The following ZNF433 variants were observed in gnomAD, a reference collection of about 807,000 sequenced individuals.
ZNF433 encodes zinc finger protein 433.
Under a neutral mutation model 10.6 loss-of-function variants are expected in ZNF433, and 12 were observed. The observed-to-expected ratio is 1.13, with a 90% confidence interval of 0.72 to 1.83. The LOEUF is 1.83. ZNF433 is among the 40% of genes most tolerant of loss of function. The pLI is 0.00. For synonymous variants in ZNF433, 272 were observed against 271.3 expected (o/e 1.00, Z -0.02); for missense variants, 737 against 798.0 (o/e 0.92, Z 0.92).
chr19:12,026,430 G>A (rs1599368396), intron 1 of ZNF433: 2 of 307,604 alleles, frequency 6.5e-6, no homozygotes, highest in Non-Finnish European at 6.3e-6. Context: ...GTCACAATGA[G>A]TAATTTAATG....
chr19:12,023,505 A>C (rs1974595173), intron 1 of ZNF433: 2 of 152,208 alleles, frequency 1.3e-5, no homozygotes, highest in South Asian at 4.1e-4. Flanking sequence ...CAAATAAACA[A>C]GGCAAAGCAG....
At chr19:12,018,112 A>G (rs1974303928) in intron 2 of ZNF433, 54 bp downstream of exon 2, 3 of 1,525,504 alleles carry the variant, frequency 2.0e-6, no homozygotes, top group African/African-American at 1.4e-5. Flanking sequence ...TTCTCAGAAA[A>G]AAAAAAAAAC....
At chr19:12,035,466 C>T in intron 1 of ZNF433, 71 bp downstream of exon 1, 1 of 1,548,652 alleles carries the variant, frequency 6.5e-7, no homozygotes, top group Non-Finnish European at 8.7e-7. Context: ...GCCCGGGTCC[C>T]ACCACAGCCG....
At chr19:12,035,440 G>C in intron 1 of ZNF433, 97 bp downstream of exon 1, 15 of 1,508,922 alleles carry the variant, frequency 9.9e-6, no homozygotes, top group Non-Finnish European at 1.3e-5. Flanking sequence ...CCAGACCCCG[G>C]AGTCGCCGCG....
At position 12,016,464 on chromosome 19, in the gene ZNF433, G is replaced by A; in HGVS notation, c.394C>T (p.Gln132Ter). The A allele has an allele frequency of 6.2e-7, 1 of 1,614,092 alleles. No homozygotes were observed. The highest frequency in any genetic ancestry group is 8.5e-7 in the Non-Finnish European group (1 of 1,180,032). The change falls in exon 4 of 4, where the codon CAA becomes TAA. Residue 132 changes from glutamine to a stop codon, truncating the protein, a stop_gained. Coordinates refer to ENST00000550507, the MANE Select transcript of ZNF433 (RefSeq NM_001308348.2). LOFTEE classifies it low-confidence loss of function (END_TRUNC). Reference sequence around the variant, plus strand: ...TTATATGGTTTCTGTCCATATTCTTGATACTCATATGCCTTGTGTCCAGTG... The same window carrying A: ...TTATATGGTTTCTGTCCATATTCTTAATACTCATATGCCTTGTGTCCAGTG... ...DDTGHKAYEY[Q>*]EYGQKPYKCK...
chr19:12,016,480 G>A lies in ZNF433; in HGVS notation c.378C>T (p.His126=), dbSNP rs747634888. ...CATATTCTTGATACTCATATGCCTT[G>A]TGTCCAGTGTCATCTCTGATGTGCC... ...LNRHIRDDTG[H]KAYEYQEYGQ... Residue 126 remains histidine, a synonymous_variant, in exon 4 of 4, where the codon CAC becomes CAT. Transcript: ENST00000550507. 9.9e-6 allele frequency: 16 copies of A among 1,613,950 alleles called. No individual in the cohort carries two copies. The South Asian group carries it at 1.8e-4, about 18-fold the overall frequency.
At chr19:12,019,947 C>T (rs1974402522) in intron 1 of ZNF433, among the ~76,000 whole-genome samples, 3 of 152,020 alleles carry the variant, frequency 2.0e-5, no homozygotes, top group South Asian at 4.2e-4. Context: ...AATCACAGTA[C>T]CAAGTAAAAA....
At chr19:12,019,417 C>CA (rs1007176977) in intron 1 of ZNF433, among the ~76,000 whole-genome samples, 3 of 151,968 alleles carry the variant, frequency 2.0e-5, no homozygotes, top group African/African-American at 7.3e-5. Flanking sequence ...GACTCCATCA[C>CA]AAAAAAACCA....
chr19:12,026,552 G>A, intron 1 of ZNF433: 1 of 362,224 alleles, frequency 2.8e-6, no homozygotes, highest in Non-Finnish European at 5.4e-6. Context: ...TGGCAATAAT[G>A]CCTGGATGTG....
In ZNF433 at chr19:12,016,065, A is replaced by G. The variant is rs776603980; in HGVS notation, c.793T>C (p.Cys265Arg). The part of the protein sequence containing the change: ...ECGKAFHSST[C>R]LHAHKRTHTG... ...TGAGTTCTTTTATGAGCATGAAGGC[A>G]TGTGGAACTATGGAATGCTTTCCCA... is the stretch of plus-strand genomic sequence containing the variant. The change falls in exon 4 of 4, where the codon TGC becomes CGC. Residue 265 changes from cysteine (C) to arginine (R), a missense_variant. Transcript: ENST00000550507. 6.2e-7 allele frequency: 1 copy of G among 1,614,028 alleles called. No individual in the cohort carries two copies. Among genetic ancestry groups the G allele is most frequent in the South Asian group, 1.1e-5 (1 of 91,054 alleles).
At chr19:12,035,405 G>A (rs1975242929) in intron 1 of ZNF433, 132 bp downstream of exon 1, 2 of 1,314,618 alleles carry the variant, frequency 1.5e-6, no homozygotes, top group African/African-American at 3.0e-5. Flanking sequence ...ACCAAGGGCC[G>A]AGCTGTCCCA....
At position 12,024,355 on chromosome 19, in the gene ZNF433, G is replaced by C. The variant is rs150915854; in HGVS notation, c.4-6063C>G. 3.9e-5 allele frequency: 6 copies of C among 152,314 alleles called. No individual in the cohort carries two copies. In the East Asian group the frequency reaches 1.2e-3, roughly 29 times the overall value. The allele number at this position is 152,314 out of a possible 1,614,324, so 9.4% of individuals were successfully genotyped here. On this transcript the variant is annotated intron_variant, in intron 1 of 3. Coordinates refer to ENST00000550507, the MANE Select transcript of ZNF433 (RefSeq NM_001308348.2). The stretch of plus-strand genomic sequence containing the variant: ...CTTTAGCTGAGCAAGACTGTGAACG[G>C]TTTGCATTTACAATTCCTGCAATAA...
chr19:12,026,887 G>A (rs1005617461), intron 1 of ZNF433: 18 of 453,876 alleles, frequency 4.0e-5, no homozygotes, highest in African/African-American at 3.6e-4. Context: ...TAAGAAGTAT[G>A]GCAAGAGTTC....
At position 12,033,280 on chromosome 19, in the gene ZNF433, A is replaced by G. The variant is rs190924075; in HGVS notation, c.3+2257T>C. Among the ~76,000 whole-genome samples, 32 of 152,228 alleles carry G rather than the reference A, an allele frequency of 2.1e-4. 1 individual carries two copies. The highest frequency in any genetic ancestry group is 7.0e-4 in the African/African-American group (29 of 41,554). On this transcript the variant is annotated intron_variant, in intron 1 of 3. Coordinates refer to ENST00000550507, the MANE Select transcript of ZNF433 (RefSeq NM_001308348.2). ...GGCTGATTTCTTTTGTATTTCTAGT[A>G]GAGCCAAGGTTTCACCATATTGGCC...
chr19:12,027,271 C>T, intron 1 of ZNF433: 1 of 334,368 alleles, frequency 3.0e-6, no homozygotes, highest in South Asian at 2.3e-5. Context: ...ATGTGGATCC[C>T]AACTCCTGCG....
At chr19:12,024,494 G>C (rs1030672064) in intron 1 of ZNF433, 1 of 152,184 alleles carries the variant, frequency 6.6e-6, no homozygotes, top group Non-Finnish European at 1.5e-5. Context: ...CTTTCAAAAA[G>C]TACTAAGGGA....
intron 1 of ZNF433, among the ~76,000 whole-genome samples, chr19:12,033,089 CT>C (rs754399965): frequency 1.4e-3 from 205 of 145,492 alleles, no homozygotes; most frequent in Middle Eastern, 3.6e-3. Context: ...AGTGCATTTC[CT>C]TTTTTTTTTT....
At chr19:12,027,477 C>G (rs1315121832) in intron 1 of ZNF433, among the ~76,000 whole-genome samples, 1 of 152,166 alleles carries the variant, frequency 6.6e-6, no homozygotes, top group Non-Finnish European at 1.5e-5. Flanking sequence ...AACACCTGGC[C>G]CACCCAGGGC....
intron 1 of ZNF433, among the ~76,000 whole-genome samples, chr19:12,033,832 C>A (rs1313763960): frequency 6.6e-6 from 1 of 151,002 alleles, no homozygotes; most frequent in African/African-American, 2.5e-5. Context: ...CAAAAAAAAA[C>A]AAAAACAAAA....
Sources: allele counts gnomAD v4.1 joint callset (sites outside exome capture counted in the v4.1 genomes callset), GRCh38; gene constraint gnomAD v4.1.1; transcripts MANE v1.5; gene names NCBI Gene and HGNC (gene_info 2026-07-23, HGNC 2026-07-21).